Variants in DNAAF1 observed in about 807,000 individuals in gnomAD.
DNAAF1 encodes dynein assembly factor 1, axonemal.
In DNAAF1, 65 loss-of-function variants were observed where a neutral mutation model predicts 71.1. The observed-to-expected ratio is 0.91, with a 90% confidence interval of 0.75 to 1.12. The LOEUF is 1.12. DNAAF1 is among the 50% of genes most tolerant of loss of function. DNAAF1 has a pLI of 0.00. For synonymous variants in DNAAF1, 414 were observed against 354.6 expected, an observed-to-expected ratio of 1.17 and a Z score of -1.88; for missense variants, 1,178 against 899.8, an observed-to-expected ratio of 1.31 and a Z score of -3.96.
chr16:84,166,025 T>TA, intron 7 of DNAAF1, 76 bp downstream of exon 7: 2 of 1,560,128 alleles, frequency 1.3e-6, no homozygotes, highest in Non-Finnish European at 1.8e-6. Flanking sequence ...AACCCAGTCT[T>TA]TAATCTTGGG....
intron 11 of DNAAF1, 127 bp downstream of exon 11, chr16:84,176,426 A>T: frequency 7.2e-7 from 1 of 1,386,554 alleles, no homozygotes; most frequent in Non-Finnish European, 1.0e-6. Context: ...CCCAGGACAG[A>T]CCACACAGAT....
chr16:84,156,720 C>G (rs144003516), intron 5 of DNAAF1, among the ~76,000 whole-genome samples: 167 of 152,310 alleles, frequency 1.1e-3, no homozygotes, highest in African/African-American at 3.9e-3. Context: ...TACACTTCTA[C>G]AAAGAGCTTT....
At chr16:84,162,655 C>T (rs970898077) in intron 6 of DNAAF1, among the ~76,000 whole-genome samples, 1 of 151,896 alleles carries the variant, frequency 6.6e-6, no homozygotes, top group African/African-American at 2.4e-5. Context: ...CTCATCTCTA[C>T]TAAAAATACA....
chr16:84,172,156 C>A, intron 8 of DNAAF1, 104 bp from the exon 9 acceptor site: 2 of 1,069,248 alleles, frequency 1.9e-6, no homozygotes, highest in Non-Finnish European at 2.8e-6. Context: ...GGATTACAGG[C>A]ATGAGCCACC....
At chr16:84,153,164 C>G (rs189590619) in intron 3 of DNAAF1, among the ~76,000 whole-genome samples, 3 of 152,032 alleles carry the variant, frequency 2.0e-5, no homozygotes, top group Admixed American at 1.3e-4. Flanking sequence ...AAAATCCTAT[C>G]TTTTATAGAT....
In DNAAF1 at chr16:84,174,655, A is replaced by G. The variant is rs1390006735; in HGVS notation, c.1645-14A>G. On this transcript the variant is annotated splice_polypyrimidine_tract_variant and intron_variant, in intron 9 of 11. Transcript: ENST00000378553. ...GTACCTCCCTGGTGATGTGCGGCTC[A>G]CTTGCTCTTTCAGGACCTACCTGAC... 2 of 1,614,172 alleles carry G rather than the reference A, an allele frequency of 1.2e-6. No individual in the cohort carries two copies. The highest frequency in any genetic ancestry group is 1.1e-5 in the South Asian group (1 of 91,084).
chr16:84,150,059 G>A (rs2087112710), intron 2 of DNAAF1, among the ~76,000 whole-genome samples, 192 bp from the exon 3 acceptor site: 1 of 150,904 alleles, frequency 6.6e-6, no homozygotes, highest in South Asian at 2.1e-4. Context: ...ATTCGATGAG[G>A]CCCTAAAATC....
chr16:84,174,210 GGTT>G (rs1271065538), intron 9 of DNAAF1: 2 of 1,035,894 alleles, frequency 1.9e-6, no homozygotes, highest in African/African-American at 1.7e-5. Flanking sequence ...ACCACGCACT[GGTT>G]GTTATGGACA....
chr16:84,168,398 C>T (rs1044090786), intron 7 of DNAAF1, among the ~76,000 whole-genome samples: 4 of 152,136 alleles, frequency 2.6e-5, no homozygotes, highest in African/African-American at 9.7e-5. Context: ...TGTAAGGTAA[C>T]GTATTCATAT....
chr16:84,177,268 GAAT>G (rs2088758440), intron 11 of DNAAF1: 1 of 255,472 alleles, frequency 3.9e-6, no homozygotes, highest in Admixed American at 5.0e-5. Flanking sequence ...GGAGGACGTT[GAAT>G]AATTTGTTTT....
intron 6 of DNAAF1, among the ~76,000 whole-genome samples, chr16:84,160,376 T>G (rs1426386129): frequency 6.6e-6 from 1 of 152,198 alleles, no homozygotes; most frequent in African/African-American, 2.4e-5. Context: ...AAGGGCTTCT[T>G]TAATATCAGG....
chr16:84,172,652 T>C, intron 9 of DNAAF1: 1 of 1,287,536 alleles, frequency 7.8e-7, no homozygotes, highest in Non-Finnish European at 9.9e-7. Flanking sequence ...TTGAACCATG[T>C]CTACCAAACT....
intron 5 of DNAAF1, among the ~76,000 whole-genome samples, chr16:84,158,212 A>G (rs931051723): frequency 6.6e-6 from 1 of 152,136 alleles, no homozygotes; most frequent in African/African-American, 2.4e-5. Flanking sequence ...CTGTCTCCAA[A>G]AAAAAACAAA....
intron 10 of DNAAF1, 99 bp from the exon 11 acceptor site, chr16:84,175,834 T>TTGTG: frequency 6.9e-7 from 1 of 1,452,706 alleles, no homozygotes; most frequent in East Asian, 2.3e-5. Flanking sequence ...ACAGAATACT[T>TTGTG]TGTGACATTG....
rs763903079 is a variant in DNAAF1 at position 84,145,571 on chromosome 16, A to G, written c.124+7A>G. ...CGAGGGGGCTGCAAGGAAGGTGCCG[A>G]CTGCCCCCCAGGGAGGGCGGTGGGC... is the stretch of plus-strand genomic sequence containing the variant. On this transcript the variant is annotated splice_region_variant and intron_variant, in intron 1 of 11. Transcript: ENST00000378553. 1.5e-5 allele frequency: 23 copies of G among 1,546,222 alleles called. No individual in the cohort carries two copies. In the Admixed American group the frequency reaches 2.7e-4, roughly 18 times the overall value.
chr16:84,149,450 G>C (rs1224253163), intron 2 of DNAAF1, among the ~76,000 whole-genome samples: 1 of 152,112 alleles, frequency 6.6e-6, no homozygotes, highest in Admixed American at 6.5e-5. Flanking sequence ...CCAGCACTTT[G>C]GGAGGCTGAG....
chr16:84,158,285 C>T (rs1379017369), intron 5 of DNAAF1, among the ~76,000 whole-genome samples: 1 of 152,160 alleles, frequency 6.6e-6, no homozygotes, highest in African/African-American at 2.4e-5. Context: ...AAGGTGTGGG[C>T]AGGGCTGGGT....
chr16:84,174,729 G>T lies in DNAAF1; in HGVS notation c.1698+7G>T, dbSNP rs3826151. 541,176 of 1,613,740 alleles carry T rather than the reference G, an allele frequency of 0.34. 94,086 individuals carry two copies. The highest frequency in any genetic ancestry group is 0.44 in the Admixed American group (26,454 of 59,994). Reference sequence around the variant, plus strand: ...CAAATCTCTGGAAGACCAGGTTAAGGTCATTAGAAACCATTTTCCCACAGG... The same window carrying T: ...CAAATCTCTGGAAGACCAGGTTAAGTTCATTAGAAACCATTTTCCCACAGG... On this transcript the variant is annotated splice_region_variant and intron_variant, in intron 10 of 11. Coordinates refer to ENST00000378553, the MANE Select transcript of DNAAF1 (RefSeq NM_178452.6).
At chr16:84,149,708 AAC>A (rs1491370090) in intron 2 of DNAAF1, among the ~76,000 whole-genome samples, 39 of 150,912 alleles carry the variant, frequency 2.6e-4, no homozygotes, top group African/African-American at 4.9e-4. Flanking sequence ...AAAAAAAAAA[AAC>A]ATACATTGCA....
Sources: allele counts gnomAD v4.1 joint callset (sites outside exome capture counted in the v4.1 genomes callset), GRCh38; gene constraint gnomAD v4.1.1; transcripts MANE v1.5; gene names NCBI Gene and HGNC (gene_info 2026-07-23, HGNC 2026-07-21).